The following PCDHA8 variants were observed in gnomAD, a reference collection of about 807,000 sequenced individuals.
PCDHA8 encodes protocadherin alpha-8.
PCDHA8 carries 53 observed loss-of-function variants against 61.8 expected under a neutral mutation model. The observed-to-expected ratio is 0.86, with a 90% CI of 0.69 to 1.08. The LOEUF is 1.08. Among genes scored for constraint, PCDHA8 ranks in the 50% least tolerant of loss-of-function variants. PCDHA8 has a pLI of 0.00. For synonymous variants in PCDHA8, 618 were observed against 556.6 expected, an observed-to-expected ratio of 1.11 and a Z score of -1.55; for missense variants, 1,293 against 1,245.0, an observed-to-expected ratio of 1.04 and a Z score of -0.58.
chr5:140,879,470 T>C (rs73793510), intron 1 of PCDHA8, among the ~76,000 whole-genome samples: 2,106 of 152,256 alleles, frequency 0.014, 41 homozygotes, highest in African/African-American at 0.048. Flanking sequence ...GAGAATACCG[T>C]TGTGATTGGA....
chr5:140,979,408 G>GTT (rs558051720), intron 2 of PCDHA8, among the ~76,000 whole-genome samples: 2 of 147,646 alleles, frequency 1.4e-5, no homozygotes, highest in African/African-American at 2.5e-5. Context: ...TGTCTACCTT[G>GTT]TTTTTTTTTT....
intron 1 of PCDHA8, chr5:140,850,398 C>G: frequency 1.9e-6 from 3 of 1,597,938 alleles, no homozygotes; most frequent in Non-Finnish European, 1.7e-6. Context: ...CAGCACAACG[C>G]GTGCCCTGGA....
At chr5:140,876,039 T>C in intron 1 of PCDHA8, 1 of 1,613,746 alleles carries the variant, frequency 6.2e-7, no homozygotes, top group Non-Finnish European at 8.5e-7. Context: ...AAGATAAAAG[T>C]ATATTGCCTG....
At chr5:140,986,231 C>A (rs2097191592) in intron 3 of PCDHA8, among the ~76,000 whole-genome samples, 1 of 152,210 alleles carries the variant, frequency 6.6e-6, no homozygotes, top group African/African-American at 2.4e-5. Context: ...AGCCTCCCCT[C>A]TGTGTGAGCA....
At chr5:140,951,541 G>C (rs1029557427) in intron 1 of PCDHA8, among the ~76,000 whole-genome samples, 5 of 152,092 alleles carry the variant, frequency 3.3e-5, no homozygotes, top group African/African-American at 1.2e-4. Flanking sequence ...AGGAGCAAGG[G>C]ACGGGGGGAA....
At chr5:140,937,614 C>A (rs561420642) in intron 1 of PCDHA8, among the ~76,000 whole-genome samples, 1 of 149,010 alleles carries the variant, frequency 6.7e-6, no homozygotes, top group Non-Finnish European at 1.5e-5. Flanking sequence ...GATACTCCAT[C>A]TAAAAAGAAA....
In PCDHA8 at chr5:140,982,474, G is replaced by C. The variant is rs2096985354; in HGVS notation, c.2454-1G>C. On this transcript the variant is annotated splice_acceptor_variant, in intron 2 of 3. Coordinates refer to ENST00000531613, the MANE Select transcript of PCDHA8 (RefSeq NM_018911.3). LOFTEE classifies it high-confidence loss of function. ...TTATCTGGGTCTGTGTGTTTATTCA[G>C]CTCTGTGCACCTAGAGGAGGCTGGC... 3 of 1,614,164 alleles carry C rather than the reference G, an allele frequency of 1.9e-6. No individual in the cohort carries two copies. The highest frequency in any genetic ancestry group is 2.5e-6 in the Non-Finnish European group (3 of 1,180,024).
chr5:140,865,608 A>G (rs915675853), intron 1 of PCDHA8: 4 of 152,202 alleles, frequency 2.6e-5, no homozygotes, highest in Non-Finnish European at 5.9e-5. Context: ...CAGTTTATTA[A>G]TATATTTGTT....
chr5:140,849,787 G>A lies in PCDHA8; in HGVS notation c.2394+6072G>A, dbSNP rs1421161535. The stretch of plus-strand genomic sequence containing the variant: ...CTGGTGGTTACCGCGCGGGACGGGG[G>A]CTCGCCTTCACTGTGGGCCACGGCC... On this transcript the variant is annotated intron_variant, in intron 1 of 3. Transcript: ENST00000531613. 3.1e-6 allele frequency: 5 copies of A among 1,598,342 alleles called. 1 individual carries two copies. The highest frequency in any genetic ancestry group is 3.4e-4 in the Middle Eastern group (2 of 5,864).
Position 140,910,416 on chromosome 5 carries a change from A to G in PCDHA8, c.2394+66701A>G, listed in dbSNP as rs191093101. Among the ~76,000 whole-genome samples, 67 of 152,280 alleles carry G rather than the reference A, an allele frequency of 4.4e-4. No individual in the cohort carries two copies. In the East Asian group the frequency reaches 0.013, roughly 28 times the overall value. ...CTGGCCCCTGCCACCTCGAGATCCAATTATTCCCATTGCATTTAAGTTTTG... is the reference window on the plus strand; with the variant it reads ...CTGGCCCCTGCCACCTCGAGATCCAGTTATTCCCATTGCATTTAAGTTTTG... On this transcript the variant is annotated intron_variant, in intron 1 of 3. Coordinates refer to ENST00000531613, the MANE Select transcript of PCDHA8 (RefSeq NM_018911.3).
chr5:140,852,117 T>A, intron 1 of PCDHA8: 1 of 906,144 alleles, frequency 1.1e-6, no homozygotes, highest in Non-Finnish European at 1.3e-6. Context: ...AGGTATGACC[T>A]AATTAAAAAC....
chr5:140,982,559 A>G lies in PCDHA8; in HGVS notation c.2538A>G (p.Thr846=). 1 of 1,614,170 alleles carries G rather than the reference A, an allele frequency of 6.2e-7. No homozygotes were observed. The highest frequency in any genetic ancestry group is 8.5e-7 in the Non-Finnish European group (1 of 1,180,012). Residue 846 remains threonine, a synonymous_variant, in exon 3 of 4, where the codon ACA becomes ACG. Coordinates refer to ENST00000531613, the MANE Select transcript of PCDHA8 (RefSeq NM_018911.3). The part of the protein sequence containing the change: ...DQQWPTVSSA[T]PEPEAGEVSP... ...AGTGGCCAACAGTATCCAGTGCAAC[A>G]CCAGGTAAAGAGCTGGGGTCTCTCC... is the stretch of plus-strand genomic sequence containing the variant.
intron 1 of PCDHA8, among the ~76,000 whole-genome samples, chr5:140,892,669 C>T (rs1361630982): frequency 2.6e-5 from 4 of 152,134 alleles, no homozygotes; most frequent in African/African-American, 9.7e-5. Context: ...CATTTTGATA[C>T]ATATATACAA....
chr5:140,869,373 C>A (rs782224697), intron 1 of PCDHA8: 1 of 1,614,102 alleles, frequency 6.2e-7, no homozygotes, highest in Non-Finnish European at 8.5e-7. Context: ...ATTCTCGGAT[C>A]GACCGCGAGG....
chr5:140,957,333 A>T (rs2095351211), intron 1 of PCDHA8, among the ~76,000 whole-genome samples: 1 of 152,164 alleles, frequency 6.6e-6, no homozygotes, highest in African/African-American at 2.4e-5. Context: ...GTACAGTAAG[A>T]TATTTTGAGA....
intron 1 of PCDHA8, chr5:140,864,715 T>G (rs540368944): frequency 1.3e-5 from 2 of 152,390 alleles, no homozygotes; most frequent in Non-Finnish European, 2.9e-5. Flanking sequence ...GCTCTTCTAC[T>G]ATTTTGGGAA....
chr5:140,867,686 C>CT, intron 1 of PCDHA8: 1 of 152,084 alleles, frequency 6.6e-6, no homozygotes, highest in Middle Eastern at 3.4e-3. Flanking sequence ...GTTGCATCTT[C>CT]TTTTTTTCCT....
chr5:140,886,281 T>C (rs2060932567), intron 1 of PCDHA8, among the ~76,000 whole-genome samples: 1 of 151,934 alleles, frequency 6.6e-6, no homozygotes, highest in African/African-American at 2.4e-5. Flanking sequence ...TTTTTAAAAT[T>C]ATTTTTATAT....
At chr5:140,871,314 G>C (rs199741530) in intron 1 of PCDHA8, 3 of 1,614,048 alleles carry the variant, frequency 1.9e-6, no homozygotes, top group Admixed American at 3.3e-5. Flanking sequence ...GGAAGCCCAC[G>C]CTGGTGTGCT....
Sources: allele counts gnomAD v4.1 joint callset (sites outside exome capture counted in the v4.1 genomes callset), GRCh38; gene constraint gnomAD v4.1.1; transcripts MANE v1.5; gene names NCBI Gene and HGNC (gene_info 2026-07-23, HGNC 2026-07-21).